The following CUEDC1 variants were observed in gnomAD, a reference collection of about 807,000 sequenced individuals.
CUEDC1 encodes the protein CUE domain-containing protein 1.
Under a neutral mutation model 43.7 loss-of-function variants are expected in CUEDC1, and 30 were observed. That is an observed-to-expected ratio of 0.69 (90% confidence interval 0.51 to 0.93). The LOEUF (loss-of-function observed/expected upper bound fraction) is 0.93, where lower values mean the gene tolerates loss of function less well. CUEDC1 is among the 40% of genes least tolerant of loss of function. The pLI, the probability that CUEDC1 is intolerant of heterozygous loss-of-function variation, is 0.00. For missense variants in CUEDC1, 486 were observed against 549.0 expected (o/e 0.89, Z 1.15); for synonymous variants, 223 against 223.6 (o/e 1.00, Z 0.02).
Position 57,954,734 on chromosome 17 carries a change from G to T in CUEDC1, c.-316+491C>A, listed in dbSNP as rs1000959905. On this transcript the variant is annotated intron_variant, in intron 1 of 10. Coordinates refer to ENST00000577830, the MANE Select transcript of CUEDC1 (RefSeq NM_001271875.2). The surrounding 1 kb of genome is among the most constrained non-coding windows in gnomAD (Gnocchi z 4.3). ...AAGCGAAGCTCCCCTCCCCCTGAAA[G>T]GCGCTCGGCTCCCAGCAGGCGCCCC... Among the ~76,000 whole-genome samples the T allele has an allele frequency of 2.0e-5, 3 of 152,132 alleles. No individual in the cohort carries two copies. Among genetic ancestry groups the T allele is most frequent in the Admixed American group, 2.0e-4 (3 of 15,280 alleles).
At chr17:57,948,207 C>T (rs1465709602) in intron 1 of CUEDC1, among the ~76,000 whole-genome samples, 1 of 152,154 alleles carries the variant, frequency 6.6e-6, no homozygotes, top group Non-Finnish European at 1.5e-5. Flanking sequence ...GGAGATAACC[C>T]ACTAGCTCCA....
intron 1 of CUEDC1, among the ~76,000 whole-genome samples, chr17:57,931,761 A>G (rs1674592140): frequency 6.6e-6 from 1 of 152,108 alleles, no homozygotes; most frequent in African/African-American, 2.4e-5. Context: ...AAGGTGTCTC[A>G]ATAAGACACA....
At chr17:57,946,487 A>G (rs1384365759) in intron 1 of CUEDC1, among the ~76,000 whole-genome samples, 1 of 152,104 alleles carries the variant, frequency 6.6e-6, no homozygotes, top group East Asian at 1.9e-4. Flanking sequence ...TGAAGTTCTC[A>G]AAGGATCCAC....
At chr17:57,942,918 C>T (rs980201347) in intron 1 of CUEDC1, among the ~76,000 whole-genome samples, 2 of 151,920 alleles carry the variant, frequency 1.3e-5, no homozygotes, top group Admixed American at 6.5e-5. Context: ...GTCCCAGCTA[C>T]TCGGGAGGCT....
intron 1 of CUEDC1, among the ~76,000 whole-genome samples, chr17:57,925,931 G>A (rs1190242112): frequency 6.6e-6 from 1 of 152,236 alleles, no homozygotes; most frequent in South Asian, 2.1e-4. Context: ...TGGCCCAGAG[G>A]TGGCAAGGGT....
intron 1 of CUEDC1, among the ~76,000 whole-genome samples, chr17:57,938,960 C>CTT (rs55687937): frequency 6.0e-5 from 5 of 82,664 alleles, no homozygotes; most frequent in African/African-American, 8.7e-5. Flanking sequence ...CGTGCCCAGC[C>CTT]TTTTTTTTTT....
intron 1 of CUEDC1, among the ~76,000 whole-genome samples, chr17:57,910,856 AGT>A: frequency 6.6e-6 from 1 of 152,240 alleles, no homozygotes; most frequent in South Asian, 2.1e-4. Flanking sequence ...CATGAGACCC[AGT>A]GTGTCACCAG....
rs1597983740 is a variant in CUEDC1 at position 57,885,823 on chromosome 17, C to T, written c.-259G>A. On this transcript the variant is annotated 5_prime_UTR_variant, in exon 2 of 11. Transcript: ENST00000577830. The stretch of plus-strand genomic sequence containing the variant: ...GGGACCGGGCCGTGCTGGGGCTGGG[C>T]GGCCGGTCATCCACACCCCCGGTGC... 1 of 363,034 alleles carries T rather than the reference C, an allele frequency of 2.8e-6. No homozygotes were observed. The highest frequency in any genetic ancestry group is 4.7e-6 in the Non-Finnish European group (1 of 211,708). 22.5% of individuals were successfully genotyped at this position (363,034 alleles called of 1,614,324 possible).
chr17:57,866,331 CTA>C, intron 10 of CUEDC1, 141 bp downstream of exon 10: 1 of 659,724 alleles, frequency 1.5e-6, no homozygotes, highest in Non-Finnish European at 2.7e-6. Flanking sequence ...CCTGCCGCAA[CTA>C]TGAGGGAAGA....
In CUEDC1 at chr17:57,862,818, G is replaced by C. The variant is rs1422612350; in HGVS notation, c.*471C>G. On this transcript the variant is annotated 3_prime_UTR_variant, in exon 11 of 11. Transcript: ENST00000577830. Reference sequence around the variant, plus strand: ...GAGCTGAGGAAGGGGGACCAGAAGGGAGCTGAGGAAAGGGGGTCAGGCAGA... The same window carrying C: ...GAGCTGAGGAAGGGGGACCAGAAGGCAGCTGAGGAAAGGGGGTCAGGCAGA... 1 of 152,614 alleles carries C rather than the reference G, an allele frequency of 6.6e-6. No individual in the cohort carries two copies. Among genetic ancestry groups the C allele is most frequent in the Non-Finnish European group, 1.5e-5 (1 of 68,316 alleles). The allele number at this position is 152,614 out of a possible 1,614,324, so 9.5% of individuals were successfully genotyped here. A position where few individuals can be genotyped will look rare whatever the true frequency, so the allele number is the denominator to read the frequency against.
At chr17:57,939,333 C>T (rs915257200) in intron 1 of CUEDC1, among the ~76,000 whole-genome samples, 9 of 151,788 alleles carry the variant, frequency 5.9e-5, no homozygotes, top group African/African-American at 1.7e-4. Context: ...GGAACAATCC[C>T]GGCTCACCGC....
At chr17:57,907,052 A>T (rs1198652703) in intron 1 of CUEDC1, among the ~76,000 whole-genome samples, 1 of 151,348 alleles carries the variant, frequency 6.6e-6, no homozygotes, top group Non-Finnish European at 1.5e-5. Context: ...ATTTAGAGAG[A>T]GGGCAGCCAG....
At chr17:57,872,988 T>C in intron 4 of CUEDC1, 133 bp from the exon 5 acceptor site, 1 of 838,170 alleles carries the variant, frequency 1.2e-6, no homozygotes. Context: ...CACCTCCTAA[T>C]GGAACCTGGT....
intron 1 of CUEDC1, among the ~76,000 whole-genome samples, chr17:57,925,270 T>C (rs747675484): frequency 2.0e-5 from 3 of 152,142 alleles, no homozygotes; most frequent in Non-Finnish European, 4.4e-5. Context: ...GGGGAACACA[T>C]TCTGACTAAA....
At chr17:57,892,961 C>G (rs1441034030) in intron 1 of CUEDC1, among the ~76,000 whole-genome samples, 1 of 152,248 alleles carries the variant, frequency 6.6e-6, no homozygotes, top group Non-Finnish European at 1.5e-5. Flanking sequence ...CCCTTTGCAA[C>G]ACCGCCTCTG....
intron 1 of CUEDC1, chr17:57,915,259 C>T (rs73314268): frequency 0.089 from 11,240 of 126,198 alleles, 522 homozygotes; most frequent in African/African-American, 0.14. Flanking sequence ...AGGACAGATC[C>T]CTGAAAGATG....
At position 57,894,137 on chromosome 17, in the gene CUEDC1, C is replaced by T. The variant is rs73314231; in HGVS notation, c.-315-8258G>A. Among the ~76,000 whole-genome samples the T allele has an allele frequency of 6.5e-3, 996 of 152,268 alleles. 9 individuals are homozygous for T. Among genetic ancestry groups the T allele is most frequent in the African/African-American group, 0.023 (953 of 41,574 alleles). On this transcript the variant is annotated intron_variant, in intron 1 of 10. Transcript: ENST00000577830. ...ACCATGAGGATTTGATAAAAGGACT[C>T]CTAAACCTCTTTGCCAGGAAGAAGC... is the stretch of plus-strand genomic sequence containing the variant.
At chr17:57,895,549 C>T (rs1352092360) in intron 1 of CUEDC1, among the ~76,000 whole-genome samples, 1 of 152,212 alleles carries the variant, frequency 6.6e-6, no homozygotes, top group Non-Finnish European at 1.5e-5. Context: ...GAGCAACCAA[C>T]TGTTTTCCAC....
intron 1 of CUEDC1, among the ~76,000 whole-genome samples, chr17:57,951,984 A>G (rs1485964438): frequency 6.6e-6 from 1 of 152,216 alleles, no homozygotes; most frequent in East Asian, 1.9e-4. Flanking sequence ...CAAGGGGATC[A>G]GAGAAACACT....
Sources: allele counts gnomAD v4.1 joint callset (sites outside exome capture counted in the v4.1 genomes callset), GRCh38; gene constraint gnomAD v4.1.1; non-coding constraint Gnocchi (gnomAD v3.1); transcripts MANE v1.5; gene names NCBI Gene and HGNC (gene_info 2026-07-23, HGNC 2026-07-21).